The following COL25A1 variants were observed in gnomAD, a reference collection of about 807,000 sequenced individuals.
COL25A1 encodes collagen alpha-1(XXV) chain.
A neutral mutation model predicts 128.4 loss-of-function variants in COL25A1; 103 were observed. The observed-to-expected ratio is 0.80, with a 90% CI of 0.68 to 0.94. COL25A1 has a LOEUF of 0.94. Ranked by LOEUF, COL25A1 falls within the 40% of genes least tolerant of loss-of-function variation. The pLI is 0.00. For synonymous variants in COL25A1, 279 were observed against 277.2 expected (o/e 1.01, Z -0.06); for missense variants, 745 against 840.0 (o/e 0.89, Z 1.40).
chr4:108,940,204 A>G (rs1747915031), intron 10 of COL25A1, among the ~76,000 whole-genome samples: 1 of 152,192 alleles, frequency 6.6e-6, no homozygotes, highest in African/African-American at 2.4e-5. Context: ...CAGTGAGGAT[A>G]CACCTGGGAA....
intron 15 of COL25A1, 64 bp downstream of exon 15, chr4:108,899,090 T>G: frequency 6.6e-7 from 1 of 1,526,290 alleles, no homozygotes; most frequent in Admixed American, 1.8e-5. Context: ...TTAGTTTGAG[T>G]ACTTCTTTGG....
intron 3 of COL25A1, among the ~76,000 whole-genome samples, chr4:109,054,196 T>C (rs990754278): frequency 6.6e-6 from 1 of 152,224 alleles, no homozygotes; most frequent in Non-Finnish European, 1.5e-5. Flanking sequence ...TGAACAAGAT[T>C]GCAAGAGATT....
chr4:108,910,573 C>T (rs1050800507), intron 13 of COL25A1, among the ~76,000 whole-genome samples: 3 of 152,156 alleles, frequency 2.0e-5, no homozygotes, highest in Admixed American at 1.3e-4. Flanking sequence ...CACTGAGCGG[C>T]AAAGCTAGGG....
chr4:108,985,948 G>T (rs1753627591), intron 6 of COL25A1, among the ~76,000 whole-genome samples: 1 of 152,130 alleles, frequency 6.6e-6, no homozygotes, highest in Admixed American at 6.5e-5. Flanking sequence ...TCTGTTGCAA[G>T]CCATTCATGA....
At chr4:109,010,734 C>G (rs1245761293) in intron 5 of COL25A1, among the ~76,000 whole-genome samples, 3 of 151,998 alleles carry the variant, frequency 2.0e-5, no homozygotes, top group African/African-American at 7.3e-5. Context: ...GGCTGTGAGC[C>G]CAAACTATGA....
chr4:109,043,168 G>T (rs954464153), intron 5 of COL25A1, among the ~76,000 whole-genome samples: 1 of 152,006 alleles, frequency 6.6e-6, no homozygotes, highest in Non-Finnish European at 1.5e-5. Flanking sequence ...GGTGGTCTGA[G>T]AACTGGTATG....
intron 3 of COL25A1, among the ~76,000 whole-genome samples, chr4:109,116,724 T>A (rs1767603688): frequency 6.6e-6 from 1 of 152,036 alleles, no homozygotes; most frequent in Non-Finnish European, 1.5e-5. Context: ...TTTTTTAAAC[T>A]GTAATTAATA....
chr4:109,146,689 C>T lies in COL25A1; in HGVS notation c.368-96510G>A, dbSNP rs1022377752. On this transcript the variant is annotated intron_variant, in intron 3 of 37. Coordinates refer to ENST00000399132, the MANE Select transcript of COL25A1 (RefSeq NM_198721.4). ...TAATTTGTGTCTCTCCAAGGTGAAC[C>T]TGTCAAGAGGCAGTGGTGATGCATT... Among the ~76,000 whole-genome samples the T allele has an allele frequency of 2.6e-5, 4 of 152,222 alleles. No individual in the cohort carries two copies. In the East Asian group the frequency reaches 5.8e-4, roughly 22 times the overall value.
intron 3 of COL25A1, among the ~76,000 whole-genome samples, chr4:109,227,712 T>A (rs1778899426): frequency 6.6e-6 from 1 of 152,092 alleles, no homozygotes; most frequent in Non-Finnish European, 1.5e-5. Context: ...AAGGAATATA[T>A]AAGAAAAAAA....
chr4:108,948,601 C>T (rs1028790048), intron 8 of COL25A1, among the ~76,000 whole-genome samples: 1 of 151,900 alleles, frequency 6.6e-6, no homozygotes, highest in African/African-American at 2.4e-5. Flanking sequence ...AATATATTTT[C>T]AAGTGGCTCG....
At chr4:108,955,465 C>G (rs573989257) in intron 8 of COL25A1, among the ~76,000 whole-genome samples, 4 of 152,212 alleles carry the variant, frequency 2.6e-5, no homozygotes, top group African/African-American at 9.6e-5. Context: ...TACTAAGGGC[C>G]TAATAATTCA....
intron 3 of COL25A1, among the ~76,000 whole-genome samples, chr4:109,219,062 T>TGAGCAAACTCA (rs371853404): frequency 2.6e-5 from 4 of 152,256 alleles, no homozygotes; most frequent in African/African-American, 9.6e-5. Context: ...CCCATTTAAA[T>TGAGCAAACTCA]TTATATTAAT....
At chr4:108,832,158 T>A (rs1037197322) in intron 32 of COL25A1, among the ~76,000 whole-genome samples, 2 of 152,202 alleles carry the variant, frequency 1.3e-5, no homozygotes, top group African/African-American at 4.8e-5. Context: ...GCTATGTAAA[T>A]GTATGTATTG....
At chr4:108,849,544 C>G (rs985579451) in intron 26 of COL25A1, among the ~76,000 whole-genome samples, 1 of 152,056 alleles carries the variant, frequency 6.6e-6, no homozygotes, top group Non-Finnish European at 1.5e-5. Context: ...ATACAATACG[C>G]CAGAAAGTTA....
At chr4:109,085,959 A>G (rs1764324618) in intron 3 of COL25A1, among the ~76,000 whole-genome samples, 1 of 152,248 alleles carries the variant, frequency 6.6e-6, no homozygotes, top group Admixed American at 6.5e-5. Context: ...GAGTACAACC[A>G]GCCAAAGGAG....
chr4:108,835,096 T>A (rs1218259607), intron 31 of COL25A1, among the ~76,000 whole-genome samples: 1 of 152,222 alleles, frequency 6.6e-6, no homozygotes, highest in Admixed American at 6.5e-5. Context: ...AATCTTTGCA[T>A]CAAAGCCTGA....
At chr4:109,091,431 AAT>A (rs1764896810) in intron 3 of COL25A1, among the ~76,000 whole-genome samples, 1 of 152,156 alleles carries the variant, frequency 6.6e-6, no homozygotes, top group Non-Finnish European at 1.5e-5. Flanking sequence ...TTGTCTATAC[AAT>A]TTAATTCTCA....
chr4:108,940,075 A>G (rs1187698152), intron 10 of COL25A1, among the ~76,000 whole-genome samples: 2 of 152,122 alleles, frequency 1.3e-5, no homozygotes, highest in African/African-American at 4.8e-5. Context: ...TCTACTTTCC[A>G]TAAATAGTAT....
At chr4:108,952,414 A>G (rs1477982212) in intron 8 of COL25A1, among the ~76,000 whole-genome samples, 1 of 152,180 alleles carries the variant, frequency 6.6e-6, no homozygotes, top group Non-Finnish European at 1.5e-5. Context: ...ACACTGCATA[A>G]AAATCTGCTT....
Sources: gnomAD v4.1 joint callset for allele counts (sites outside exome capture counted in the v4.1 genomes callset) on GRCh38, gnomAD v4.1.1 for gene constraint, MANE v1.5 for transcripts, NCBI Gene and HGNC (gene_info 2026-07-23, HGNC 2026-07-21) for gene names.